The following PRRC2B variants were observed in gnomAD, a reference collection of about 807,000 sequenced individuals.
PRRC2B encodes protein PRRC2B.
Under a neutral mutation model 242.3 loss-of-function variants are expected in PRRC2B, and 68 were observed. That is an observed-to-expected ratio of 0.28 (90% CI 0.23 to 0.34). The LOEUF is 0.34. Among genes scored for constraint, PRRC2B ranks in the 10% least tolerant of loss-of-function variants. The pLI is 1.00. For synonymous variants in PRRC2B, 1,228 were observed against 1,173.6 expected, an observed-to-expected ratio of 1.05 and a Z score of -0.95; for missense variants, 2,835 against 2,954.8, an observed-to-expected ratio of 0.96 and a Z score of 0.94.
chr9:131,414,596 GTC>G (rs1368943113), intron 1 of PRRC2B, among the ~76,000 whole-genome samples: 1 of 147,124 alleles, frequency 6.8e-6, no homozygotes, highest in East Asian at 2.0e-4. Context: ...TGGAGATGGA[GTC>G]TCTGCTGTGT....
rs879454547 is a variant in PRRC2B, at chr9:131,399,945, C to T, written c.-52+5682C>T. 2.0e-5 allele frequency among the ~76,000 whole-genome samples: 3 copies of T among 152,260 alleles called. 1 individual carries two copies. The highest frequency in any genetic ancestry group is 4.8e-5 in the African/African-American group (2 of 41,542). On this transcript the variant is annotated intron_variant, in intron 1 of 31. Coordinates refer to ENST00000683519, the MANE Select transcript of PRRC2B (RefSeq NM_013318.4). ...TCTCGGCATGTTAAGTCTTGGTCCA[C>T]GTGGCTGATTATCTCCCATAAGTGG...
At chr9:131,452,651 C>T (rs910994217) in intron 9 of PRRC2B, among the ~76,000 whole-genome samples, 6 of 152,066 alleles carry the variant, frequency 3.9e-5, no homozygotes, top group African/African-American at 1.4e-4. Context: ...GAAGCAGCAG[C>T]TTTTAGCATT....
In PRRC2B at chr9:131,476,445, G is replaced by T; in HGVS notation, c.4316G>T (p.Gly1439Val). 6.2e-7 allele frequency: 1 copy of T among 1,613,260 alleles called. No individual in the cohort carries two copies. The highest frequency in any genetic ancestry group is 1.1e-5 in the South Asian group (1 of 90,990). Residue 1439 changes from glycine to valine, a missense_variant, in exon 16 of 32, where the codon GGG becomes GTG. By Grantham distance (109) the Gly-to-Val change is moderately radical. Transcript: ENST00000683519. ...CAGAGCCGAAAGCTGGAGCCGGGAG[G>T]GTTTGGGGAGAAGCCCGTTAGGCCA... Reference protein sequence around the residue: ...DRQSRKLEPGGFGEKPVRPGG... With the variant: ...DRQSRKLEPGVFGEKPVRPGG...
rs751775321 is a variant in PRRC2B, at chr9:131,498,551, C to G, written c.*2677C>G. ...AGGTGCAATATATCTCTTCCTTTCC[C>G]GTGGTTTTAGAGCCAAGCTCAAGGT... is the stretch of plus-strand genomic sequence containing the variant. On this transcript the variant is annotated 3_prime_UTR_variant, in exon 32 of 32. Transcript: ENST00000683519. 6.6e-6 allele frequency: 1 copy of G among 152,230 alleles called. No homozygotes were observed. The highest frequency in any genetic ancestry group is 6.5e-5 in the Admixed American group (1 of 15,290). 9.4% of individuals were successfully genotyped at this position (152,230 alleles called of 1,614,324 possible). A position where few individuals can be genotyped will look rare whatever the true frequency, so the allele number is the denominator to read the frequency against.
intron 11 of PRRC2B, among the ~76,000 whole-genome samples, chr9:131,460,113 T>A (rs1347414534): frequency 6.6e-6 from 1 of 152,226 alleles, no homozygotes; most frequent in East Asian, 1.9e-4. Flanking sequence ...CTTTACACTG[T>A]GGTACTTGTT....
chr9:131,391,966 C>G (rs1364256966), upstream of PRRC2B, among the ~76,000 whole-genome samples: 1 of 151,884 alleles, frequency 6.6e-6, no homozygotes, highest in Non-Finnish European at 1.5e-5. Flanking sequence ...GTCTCAAACT[C>G]CTGACCTCAG....
At chr9:131,492,102 A>T in intron 29 of PRRC2B, 67 bp from the exon 30 acceptor site, 4 of 1,256,154 alleles carry the variant, frequency 3.2e-6, no homozygotes. Context: ...TGGGTTGTTC[A>T]GTAAGTGTGT....
intron 1 of PRRC2B, among the ~76,000 whole-genome samples, chr9:131,374,470 C>T (rs1471893216): frequency 3.3e-5 from 5 of 152,120 alleles, no homozygotes; most frequent in African/African-American, 1.2e-4. Flanking sequence ...ACAGATTGAA[C>T]GCCACTCGGC....
intron 31 of PRRC2B, 115 bp from the exon 32 acceptor site, chr9:131,495,625 A>C (rs1468914534): frequency 2.8e-5 from 35 of 1,233,154 alleles, no homozygotes; most frequent in Non-Finnish European, 3.8e-5. Context: ...AGGGACTGAC[A>C]ACTTAGGGGA....
intron 1 of PRRC2B, among the ~76,000 whole-genome samples, chr9:131,403,562 C>T (rs1265896365): frequency 6.6e-6 from 1 of 151,298 alleles, no homozygotes; most frequent in Non-Finnish European, 1.5e-5. Context: ...GCCTTGTTGC[C>T]CAGGCTGGTC....
intron 9 of PRRC2B, among the ~76,000 whole-genome samples, chr9:131,449,597 T>C (rs1178516962): frequency 6.6e-6 from 1 of 152,250 alleles, no homozygotes; most frequent in Non-Finnish European, 1.5e-5. Flanking sequence ...GTTTGGTATC[T>C]GAATTTTAAA....
At chr9:131,445,968 A>C (rs953851398) in intron 6 of PRRC2B, among the ~76,000 whole-genome samples, 21 of 152,308 alleles carry the variant, frequency 1.4e-4, no homozygotes, top group South Asian at 6.2e-4. Flanking sequence ...TGCCACTGCT[A>C]AACAAAGCCT....
At chr9:131,376,043 T>C (rs1182854582) in intron 1 of PRRC2B, among the ~76,000 whole-genome samples, 1 of 83,560 alleles carries the variant, frequency 1.2e-5, no homozygotes, top group East Asian at 3.3e-4. Flanking sequence ...AGTGAGACTG[T>C]CTCAAAAAAA....
intron 1 of PRRC2B, among the ~76,000 whole-genome samples, chr9:131,379,769 GCA>G: frequency 6.6e-6 from 1 of 151,232 alleles, no homozygotes; most frequent in East Asian, 2.0e-4. Context: ...GGGATTACAG[GCA>G]CACGCCACCA....
intron 5 of PRRC2B, among the ~76,000 whole-genome samples, chr9:131,443,432 G>A (rs1464411733): frequency 6.6e-6 from 1 of 150,678 alleles, no homozygotes; most frequent in African/African-American, 2.4e-5. Context: ...CACCACGCCT[G>A]GCCTATTTTT....
intron 1 of PRRC2B, among the ~76,000 whole-genome samples, chr9:131,419,406 C>T (rs970328745): frequency 3.9e-5 from 6 of 152,282 alleles, no homozygotes; most frequent in East Asian, 1.9e-4. Context: ...AACGTGGGGA[C>T]GGGTCCCCAG....
In PRRC2B at chr9:131,486,140, G is replaced by T. The variant is rs1379596430; in HGVS notation, c.5814G>T (p.Arg1938=). ...LDGHVFASQP[R]LVPQTIPQQQ... ...GCCATGTGTTTGCAAGTCAGCCCCG[G>T]CTGGTTCCTCAAACGATACCTCAGC... Residue 1938 remains arginine, a synonymous_variant, in exon 26 of 32, where the codon CGG becomes CGT. Transcript: ENST00000683519. The T allele has an allele frequency of 2.5e-6, 4 of 1,612,830 alleles. No individual in the cohort carries two copies. The highest frequency in any genetic ancestry group is 2.5e-6 in the Non-Finnish European group (3 of 1,179,466).
chr9:131,473,798 T>A, intron 15 of PRRC2B, 74 bp downstream of exon 15: 1 of 1,184,198 alleles, frequency 8.4e-7, no homozygotes, highest in Non-Finnish European at 1.2e-6. Context: ...GGCCCTGGGA[T>A]GAGCTACCAT....
At chr9:131,383,192 A>G (rs1836783501) in intron 1 of PRRC2B, among the ~76,000 whole-genome samples, 6 of 151,624 alleles carry the variant, frequency 4.0e-5, no homozygotes, top group Admixed American at 4.0e-4. Context: ...GCTGGAATCC[A>G]TTTCCCCCTG....
Sources: gnomAD v4.1 joint callset for allele counts (sites outside exome capture counted in the v4.1 genomes callset) on GRCh38, gnomAD v4.1.1 for gene constraint, MANE v1.5 for transcripts, NCBI Gene and HGNC (gene_info 2026-07-23, HGNC 2026-07-21) for gene names.